FOXN2: variants seen among roughly 807,000 people sequenced by gnomAD.
FOXN2 encodes the protein forkhead box protein N2.
FOXN2 carries 19 observed loss-of-function variants against 41.2 expected under a neutral mutation model. The ratio of observed to expected loss-of-function variants is 0.46; its 90% confidence interval spans 0.32 to 0.68. The LOEUF is 0.68. FOXN2 is among the 30% of genes least tolerant of loss of function. The pLI is 0.03. For synonymous variants in FOXN2, 195 were observed against 176.8 expected (o/e 1.10, Z -0.82); for missense variants, 587 against 509.4 (o/e 1.15, Z -1.47).
chr2:48,375,195 G>A lies in FOXN2; in HGVS notation c.1048G>A (p.Glu350Lys). ...TGATGGCAGTGAAGGATTTCACAGT[G>A]AAGAAGATACAGACGTTGATTATGA... ...GSDGSEGFHS[E>K]EDTDVDYEDD... The change falls in exon 7 of 7, where the codon GAA becomes AAA. Residue 350 changes from glutamate (E) to lysine (K), a missense_variant. Physicochemically the swap from Glu to Lys is moderately conservative, Grantham distance 56. Coordinates refer to ENST00000340553, the MANE Select transcript of FOXN2 (RefSeq NM_002158.4). The A allele has an allele frequency of 1.2e-6, 2 of 1,614,164 alleles. No individual in the cohort carries two copies. The highest frequency in any genetic ancestry group is 1.7e-6 in the Non-Finnish European group (2 of 1,180,016).
rs376186283 is a variant in FOXN2 at position 48,362,747 on chromosome 2, A to G, written c.703+40A>G. 1.6e-5 allele frequency: 25 copies of G among 1,544,196 alleles called. No individual in the cohort carries two copies. In the South Asian group the frequency reaches 1.8e-4, roughly 11 times the overall value. On this transcript the variant is annotated intron_variant, in intron 5 of 6. Coordinates refer to ENST00000340553, the MANE Select transcript of FOXN2 (RefSeq NM_002158.4). ...CAGTACAGTCATGCACCACACAACA[A>G]TCTTTTGGTCAACAACAGGCAGTGC...
At chr2:48,323,969 C>G (rs996396849) in intron 1 of FOXN2, among the ~76,000 whole-genome samples, 1 of 152,028 alleles carries the variant, frequency 6.6e-6, no homozygotes, top group Non-Finnish European at 1.5e-5. Context: ...GCTTTTTATA[C>G]AAATGAATTT....
At chr2:48,373,456 T>C (rs1558643487) in intron 6 of FOXN2, 96 bp downstream of exon 6, 4 of 702,262 alleles carry the variant, frequency 5.7e-6, no homozygotes, top group East Asian at 2.8e-5. Context: ...ATTACTTCTT[T>C]CCAACCAAAT....
At position 48,338,094 on chromosome 2, in the gene FOXN2, A is replaced by C. The variant is rs984414802; in HGVS notation, c.-14-8107A>C. On this transcript the variant is annotated intron_variant, in intron 2 of 6. Coordinates refer to ENST00000340553, the MANE Select transcript of FOXN2 (RefSeq NM_002158.4). ...AACAAGTTTCAACAAATTTCAGAGA[A>C]TTGATACCCTATACACTGTTATAAT... 2.6e-5 allele frequency among the ~76,000 whole-genome samples: 4 copies of C among 152,240 alleles called. No homozygotes were observed. In the East Asian group the frequency reaches 7.7e-4, roughly 29 times the overall value.
chr2:48,345,438 A>G (rs985590157), intron 2 of FOXN2, among the ~76,000 whole-genome samples: 2 of 152,144 alleles, frequency 1.3e-5, no homozygotes, highest in African/African-American at 4.8e-5. Context: ...GCATAGCATG[A>G]TGACTGTAGT....
intron 1 of FOXN2, among the ~76,000 whole-genome samples, chr2:48,319,012 T>C (rs1412203691): frequency 6.6e-6 from 1 of 152,234 alleles, no homozygotes; most frequent in Non-Finnish European, 1.5e-5. Context: ...CCCGAGTAGA[T>C]ACATTACTGT....
chr2:48,347,526 C>T (rs994373636), intron 3 of FOXN2, among the ~76,000 whole-genome samples: 5 of 139,884 alleles, frequency 3.6e-5, no homozygotes, highest in East Asian at 4.8e-4. Context: ...TGTGCCCAGC[C>T]GAGGTGTTGT....
chr2:48,316,484 C>CT (rs1558605222), intron 1 of FOXN2, among the ~76,000 whole-genome samples: 1 of 151,938 alleles, frequency 6.6e-6, no homozygotes, highest in Non-Finnish European at 1.5e-5. Context: ...AAATTGTGAT[C>CT]TAAACATACG....
At chr2:48,358,751 C>T (rs1671970322) in intron 3 of FOXN2, among the ~76,000 whole-genome samples, 2 of 151,988 alleles carry the variant, frequency 1.3e-5, no homozygotes, top group Non-Finnish European at 2.9e-5. Context: ...TTAATGTAGT[C>T]GTAAAGGTAA....
chr2:48,379,203 G>C lies in FOXN2; in HGVS notation c.*3760G>C. 1 of 152,584 alleles carries C rather than the reference G, an allele frequency of 6.6e-6. No individual in the cohort carries two copies. Among genetic ancestry groups the C allele is most frequent in the African/African-American group, 2.4e-5 (1 of 41,510 alleles). 9.5% of individuals were successfully genotyped at this position (152,584 alleles called of 1,614,324 possible). On this transcript the variant is annotated 3_prime_UTR_variant, in exon 7 of 7. Coordinates refer to ENST00000340553, the MANE Select transcript of FOXN2 (RefSeq NM_002158.4). ...TACTTAGTTTTTGTATCTAATCTCT[G>C]ATTATTAAAATGTTTATAAAGTTTA...
intron 4 of FOXN2, among the ~76,000 whole-genome samples, chr2:48,360,203 A>T (rs1042437937): frequency 4.6e-5 from 7 of 152,118 alleles, no homozygotes; most frequent in Non-Finnish European, 1.0e-4. Context: ...CCTTTTTCTA[A>T]AGAAGACTTT....
intron 1 of FOXN2, among the ~76,000 whole-genome samples, chr2:48,318,817 G>A (rs1488543526): frequency 6.6e-6 from 1 of 152,066 alleles, no homozygotes. Context: ...CCTCACCTTA[G>A]GTCTTGATTT....
chr2:48,327,625 A>G lies in FOXN2; in HGVS notation c.-156-936A>G, dbSNP rs1669763508. 1.3e-5 allele frequency among the ~76,000 whole-genome samples: 2 copies of G among 152,198 alleles called. 1 individual carries two copies. The highest frequency in any genetic ancestry group is 3.9e-4 in the East Asian group (2 of 5,170). The stretch of plus-strand genomic sequence containing the variant: ...CACGCCCAGCTAATTTTGTATTTTT[A>G]GTAGAGACGGTGTTTCTCCGTGTTG... On this transcript the variant is annotated intron_variant, in intron 1 of 6. Transcript: ENST00000340553.
chr2:48,356,022 G>C (rs1671767961), intron 3 of FOXN2, among the ~76,000 whole-genome samples: 2 of 152,178 alleles, frequency 1.3e-5, no homozygotes, highest in Non-Finnish European at 2.9e-5. Flanking sequence ...CACTCTGGTA[G>C]GTTGAGACAC....
chr2:48,374,859 A>T, intron 6 of FOXN2, 61 bp from the exon 7 acceptor site: 2 of 1,413,142 alleles, frequency 1.4e-6, no homozygotes, highest in Admixed American at 2.2e-5. Flanking sequence ...GTAGTTTAAA[A>T]TTGGTCTGTT....
At chr2:48,370,574 T>C (rs894716905) in intron 5 of FOXN2, among the ~76,000 whole-genome samples, 3 of 152,182 alleles carry the variant, frequency 2.0e-5, no homozygotes, top group African/African-American at 7.2e-5. Context: ...TTTTTTTAAA[T>C]TTCTTGACCA....
chr2:48,346,475 C>T lies in FOXN2; in HGVS notation c.261C>T (p.Asp87=). ...EGLPIVSPLY[D]IEGDDVPSFG... Reference sequence around the variant, plus strand: ...TTCCAATTGTTAGTCCATTGTATGACATAGAGGGAGATGATGTGCCATCCT... The same window carrying T: ...TTCCAATTGTTAGTCCATTGTATGATATAGAGGGAGATGATGTGCCATCCT... Residue 87 remains aspartate (D), a synonymous_variant, in exon 3 of 7, where the codon GAC becomes GAT. Coordinates refer to ENST00000340553, the MANE Select transcript of FOXN2 (RefSeq NM_002158.4). 1 of 1,614,124 alleles carries T rather than the reference C, an allele frequency of 6.2e-7. No individual in the cohort carries two copies. The highest frequency in any genetic ancestry group is 8.5e-7 in the Non-Finnish European group (1 of 1,180,018).
intron 2 of FOXN2, among the ~76,000 whole-genome samples, chr2:48,338,838 C>A (rs1670543670): frequency 6.6e-6 from 1 of 151,818 alleles, no homozygotes; most frequent in Non-Finnish European, 1.5e-5. Context: ...AAACTGTAGA[C>A]CATAAAGAAA....
At chr2:48,352,690 C>T (rs2104415022) in intron 3 of FOXN2, among the ~76,000 whole-genome samples, 1 of 152,254 alleles carries the variant, frequency 6.6e-6, no homozygotes, top group South Asian at 2.1e-4. Context: ...TGGGTCTCAG[C>T]TAGAAATCTG....
Sources: gnomAD v4.1 joint callset for allele counts (sites outside exome capture counted in the v4.1 genomes callset) on GRCh38, gnomAD v4.1.1 for gene constraint, MANE v1.5 for transcripts, NCBI Gene and HGNC (gene_info 2026-07-23, HGNC 2026-07-21) for gene names.